Variants in ADARB2 observed in about 807,000 individuals in gnomAD.
ADARB2 encodes inactive double-stranded RNA-specific editase B2.
A neutral mutation model predicts 62.2 loss-of-function variants in ADARB2; 25 were observed. That is an observed-to-expected ratio of 0.40 (90% CI 0.29 to 0.56). The LOEUF (loss-of-function observed/expected upper bound fraction) is 0.56, where lower values mean the gene tolerates loss of function less well. Ranked by LOEUF, ADARB2 falls within the 20% of genes least tolerant of loss-of-function variation. The pLI is 0.43. For synonymous variants in ADARB2, 572 were observed against 500.8 expected (o/e 1.14, Z -1.90); for missense variants, 1,071 against 1,077.4 (o/e 0.99, Z 0.08).
chr10:1,555,879 G>C (rs1226920622), intron 1 of ADARB2, among the ~76,000 whole-genome samples: 2 of 150,750 alleles, frequency 1.3e-5, no homozygotes, highest in Non-Finnish European at 3.0e-5. Context: ...AGGTTGCAGT[G>C]AGCCGAGATC....
chr10:1,215,212 T>C (rs538585937), intron 7 of ADARB2, among the ~76,000 whole-genome samples: 2 of 152,352 alleles, frequency 1.3e-5, no homozygotes, highest in South Asian at 2.1e-4. Context: ...TGTCCTGTTA[T>C]CTGTTGGGCA....
intron 1 of ADARB2, among the ~76,000 whole-genome samples, chr10:1,592,323 C>G (rs112742867): frequency 7.9e-4 from 111 of 141,356 alleles, no homozygotes; most frequent in African/African-American, 2.7e-3. Context: ...CAGCTTCCCT[C>G]GCCCAAGCCA....
At chr10:1,454,765 G>A (rs1831077253) in intron 1 of ADARB2, among the ~76,000 whole-genome samples, 1 of 151,870 alleles carries the variant, frequency 6.6e-6, no homozygotes. Context: ...TCACGACTGT[G>A]TGAATGTACT....
chr10:1,281,290 C>T (rs1194010799), intron 3 of ADARB2, among the ~76,000 whole-genome samples: 3 of 152,174 alleles, frequency 2.0e-5, no homozygotes, highest in African/African-American at 7.2e-5. Flanking sequence ...CCCCAGGCCT[C>T]AGGAACTAGC....
chr10:1,722,903 A>G (rs1326037026), intron 1 of ADARB2, among the ~76,000 whole-genome samples: 9 of 152,228 alleles, frequency 5.9e-5, no homozygotes, highest in Non-Finnish European at 1.5e-5. Context: ...GTGCCTATAC[A>G]TACGTGTATA....
chr10:1,661,916 A>T (rs532768045), intron 1 of ADARB2, among the ~76,000 whole-genome samples: 127 of 152,288 alleles, frequency 8.3e-4, no homozygotes, highest in African/African-American at 3.0e-3. Context: ...GAAAGGGGCT[A>T]GGAGCTATAA....
chr10:1,500,081 T>C (rs558061937), intron 1 of ADARB2, among the ~76,000 whole-genome samples: 1 of 152,316 alleles, frequency 6.6e-6, no homozygotes, highest in Non-Finnish European at 1.5e-5. Flanking sequence ...ATTTTTTGTA[T>C]AGTTCTACAC....
At chr10:1,709,148 G>T (rs983905919) in intron 1 of ADARB2, among the ~76,000 whole-genome samples, 1 of 152,220 alleles carries the variant, frequency 6.6e-6, no homozygotes, top group South Asian at 2.1e-4. Flanking sequence ...AAGTCGCTAA[G>T]TGGAGACCTA....
intron 3 of ADARB2, among the ~76,000 whole-genome samples, chr10:1,352,213 A>C (rs59273573): frequency 1.3e-5 from 2 of 151,228 alleles, no homozygotes; most frequent in African/African-American, 4.9e-5. Flanking sequence ...ATTGTGTCCA[A>C]CTGATCTCTC....
chr10:1,715,439 G>T (rs1204221024), intron 1 of ADARB2, among the ~76,000 whole-genome samples: 1 of 152,076 alleles, frequency 6.6e-6, no homozygotes, highest in African/African-American at 2.4e-5. Context: ...GATTTTGATT[G>T]AGAAACTTTC....
chr10:1,278,435 C>A (rs1373040418), intron 3 of ADARB2, among the ~76,000 whole-genome samples: 1 of 151,734 alleles, frequency 6.6e-6, no homozygotes, highest in Non-Finnish European at 1.5e-5. Flanking sequence ...CCCTCCCCAC[C>A]AGTATTCCCC....
chr10:1,317,927 A>G (rs147786670), intron 3 of ADARB2, among the ~76,000 whole-genome samples: 25 of 152,188 alleles, frequency 1.6e-4, no homozygotes, highest in South Asian at 1.2e-3. Flanking sequence ...CCTACTCCCT[A>G]CCAGTGCCCC....
chr10:1,672,445 A>C (rs956048845), intron 1 of ADARB2, among the ~76,000 whole-genome samples: 3 of 152,164 alleles, frequency 2.0e-5, no homozygotes, highest in Admixed American at 2.0e-4. Context: ...GGGCATACTG[A>C]GAAGGAAAAC....
At chr10:1,209,961 G>T (rs990646165) in intron 7 of ADARB2, among the ~76,000 whole-genome samples, 11 of 152,212 alleles carry the variant, frequency 7.2e-5, no homozygotes, top group Non-Finnish European at 1.0e-4. Flanking sequence ...ATATTTTGCT[G>T]TAAACTGATC....
intron 1 of ADARB2, among the ~76,000 whole-genome samples, chr10:1,452,067 C>T (rs965826236): frequency 6.6e-6 from 1 of 152,168 alleles, no homozygotes; most frequent in African/African-American, 2.4e-5. Context: ...AGGCCTGCTG[C>T]CATGCACCCC....
At chr10:1,560,703 G>C (rs968180689) in intron 1 of ADARB2, among the ~76,000 whole-genome samples, 3 of 151,214 alleles carry the variant, frequency 2.0e-5, no homozygotes, top group Non-Finnish European at 4.4e-5. Context: ...CCACACTCTC[G>C]CCCAGGCAGG....
chr10:1,647,611 G>A (rs1007498023), intron 1 of ADARB2, among the ~76,000 whole-genome samples: 3 of 151,734 alleles, frequency 2.0e-5, no homozygotes, highest in Admixed American at 6.6e-5. Flanking sequence ...TCTGTGTGGG[G>A]ATATGTATTT....
chr10:1,304,476 A>G (rs1310668018), intron 3 of ADARB2, among the ~76,000 whole-genome samples: 5 of 152,178 alleles, frequency 3.3e-5, no homozygotes, highest in South Asian at 4.1e-4. Flanking sequence ...GGAGACAGAA[A>G]GTCAACAAGG....
At chr10:1,247,860 G>T (rs371037637) in intron 4 of ADARB2, among the ~76,000 whole-genome samples, 2 of 152,280 alleles carry the variant, frequency 1.3e-5, no homozygotes, top group African/African-American at 4.8e-5. Flanking sequence ...TAAACCAGTG[G>T]TATTTGGGGC....
Sources: gnomAD v4.1 joint callset for allele counts (sites outside exome capture counted in the v4.1 genomes callset) on GRCh38, gnomAD v4.1.1 for gene constraint, MANE v1.5 for transcripts, NCBI Gene and HGNC (gene_info 2026-07-23, HGNC 2026-07-21) for gene names.